Variants in CTNNA3 observed in about 807,000 individuals in gnomAD.
CTNNA3 encodes catenin alpha 3.
A neutral mutation model predicts 95.7 loss-of-function variants in CTNNA3; 76 were observed. That is an observed-to-expected ratio of 0.79 (90% CI 0.66 to 0.96). CTNNA3 has a LOEUF of 0.96. Ranked by LOEUF, CTNNA3 falls within the 40% of genes least tolerant of loss-of-function variation. The probability of loss-of-function intolerance (pLI) is 0.00; values close to 1 mark genes in which losing one functional copy is unlikely to be tolerated. For synonymous variants in CTNNA3, 431 were observed against 374.4 expected, an observed-to-expected ratio of 1.15 and a Z score of -1.74; for missense variants, 1,191 against 1,089.8, an observed-to-expected ratio of 1.09 and a Z score of -1.31.
intron 9 of CTNNA3, among the ~76,000 whole-genome samples, chr10:66,637,009 A>G (rs190534423): frequency 6.4e-4 from 98 of 152,300 alleles, no homozygotes; most frequent in African/African-American, 2.3e-3. Flanking sequence ...AAAAGTCTTA[A>G]AGAAAGACAA....
intron 1 of CTNNA3, 73 bp from the exon 2 acceptor site, chr10:67,647,591 T>G: frequency 8.1e-7 from 1 of 1,232,988 alleles, no homozygotes; most frequent in East Asian, 2.4e-5. Context: ...TATGAAATCA[T>G]GGAATAGGTA....
chr10:67,261,165 C>CTATT (rs1018020187), intron 5 of CTNNA3, among the ~76,000 whole-genome samples: 1 of 152,068 alleles, frequency 6.6e-6, no homozygotes, highest in Non-Finnish European at 1.5e-5. Flanking sequence ...CCTGACAACT[C>CTATT]TATTTATTTA....
At chr10:66,331,419 T>C (rs2092329425) in intron 12 of CTNNA3, among the ~76,000 whole-genome samples, 1 of 137,640 alleles carries the variant, frequency 7.3e-6, no homozygotes, top group Non-Finnish European at 1.5e-5. Context: ...AGTGGCGCGA[T>C]CTCGACTCAC....
At chr10:66,186,946 T>C (rs972215243) in intron 13 of CTNNA3, among the ~76,000 whole-genome samples, 7 of 152,070 alleles carry the variant, frequency 4.6e-5, no homozygotes, top group Non-Finnish European at 1.0e-4. Context: ...AAACATGAAG[T>C]TTTGTGATGT....
At chr10:67,658,343 C>T (rs897258026) in intron 1 of CTNNA3, among the ~76,000 whole-genome samples, 2 of 152,144 alleles carry the variant, frequency 1.3e-5, no homozygotes, top group African/African-American at 4.8e-5. Context: ...GGCAGGGGCT[C>T]AACAAACATT....
intron 5 of CTNNA3, among the ~76,000 whole-genome samples, chr10:67,510,053 A>G (rs1283285989): frequency 2.0e-5 from 3 of 152,074 alleles, no homozygotes; most frequent in South Asian, 4.1e-4. Context: ...TTTCTTGTAA[A>G]TTTGTTTAAC....
intron 5 of CTNNA3, among the ~76,000 whole-genome samples, chr10:67,448,512 C>A (rs1224585178): frequency 6.6e-6 from 1 of 151,770 alleles, no homozygotes; most frequent in Non-Finnish European, 1.5e-5. Flanking sequence ...ATAGAAAGAA[C>A]TTATTCATGA....
intron 11 of CTNNA3, among the ~76,000 whole-genome samples, chr10:66,484,910 G>A (rs1040995772): frequency 6.6e-6 from 1 of 152,080 alleles, no homozygotes; most frequent in Non-Finnish European, 1.5e-5. Flanking sequence ...TCCCTGGGAT[G>A]CAGATGCAAG....
At chr10:66,191,804 A>G (rs2086682980) in intron 13 of CTNNA3, among the ~76,000 whole-genome samples, 1 of 152,148 alleles carries the variant, frequency 6.6e-6, no homozygotes, top group Admixed American at 6.5e-5. Flanking sequence ...TGTTTCTCCC[A>G]AAGTTCATGT....
intron 17 of CTNNA3, among the ~76,000 whole-genome samples, chr10:65,942,847 C>G (rs989100011): frequency 6.6e-6 from 1 of 152,104 alleles, no homozygotes; most frequent in African/African-American, 2.4e-5. Flanking sequence ...ACAACATACT[C>G]ATGGTAGTAC....
intron 5 of CTNNA3, among the ~76,000 whole-genome samples, chr10:67,480,605 C>T (rs1173388856): frequency 6.6e-6 from 1 of 152,218 alleles, no homozygotes; most frequent in African/African-American, 2.4e-5. Flanking sequence ...AGAACATGTT[C>T]CTGCTGCAGA....
intron 4 of CTNNA3, among the ~76,000 whole-genome samples, chr10:67,522,300 A>G (rs749941205): frequency 2.3e-4 from 35 of 152,232 alleles, no homozygotes; most frequent in Non-Finnish European, 4.1e-4. Flanking sequence ...CTGTGAATGT[A>G]TAATTTTAAA....
intron 3 of CTNNA3, among the ~76,000 whole-genome samples, chr10:67,578,012 T>C (rs1363255969): frequency 6.9e-6 from 1 of 144,478 alleles, no homozygotes; most frequent in Admixed American, 6.8e-5. Flanking sequence ...CGCCAACATC[T>C]GTTATTTTTT....
At chr10:67,134,940 A>G (rs1860221084) in intron 7 of CTNNA3, among the ~76,000 whole-genome samples, 1 of 152,120 alleles carries the variant, frequency 6.6e-6, no homozygotes, top group Admixed American at 6.6e-5. Context: ...GCTGAGACCC[A>G]TGATTCCTAG....
At chr10:66,427,904 A>G (rs2093256862) in intron 11 of CTNNA3, among the ~76,000 whole-genome samples, 1 of 152,154 alleles carries the variant, frequency 6.6e-6, no homozygotes, top group Non-Finnish European at 1.5e-5. Flanking sequence ...ACATAACAAT[A>G]TTAACCTTAA....
intron 9 of CTNNA3, among the ~76,000 whole-genome samples, chr10:66,748,900 C>T (rs1322839003): frequency 2.0e-5 from 3 of 151,714 alleles, no homozygotes; most frequent in Non-Finnish European, 4.4e-5. Context: ...AGGTTGGGCA[C>T]GGTGGCTCAC....
At chr10:66,054,398 T>G (rs1248866737) in intron 15 of CTNNA3, among the ~76,000 whole-genome samples, 1 of 152,176 alleles carries the variant, frequency 6.6e-6, no homozygotes, top group Non-Finnish European at 1.5e-5. Flanking sequence ...TGTTACTGCT[T>G]GTCTTTTGGA....
At chr10:67,754,011 A>C (rs953697965) in intron 1 of CTNNA3, among the ~76,000 whole-genome samples, 4 of 134,186 alleles carry the variant, frequency 3.0e-5, no homozygotes. Context: ...AGATACATGC[A>C]CACATATGTT....
intron 7 of CTNNA3, among the ~76,000 whole-genome samples, chr10:66,855,392 A>G (rs532796151): frequency 1.9e-4 from 29 of 152,164 alleles, no homozygotes; most frequent in African/African-American, 6.7e-4. Context: ...TGCTCTAGAT[A>G]CAAGTTGTTA....
Sources: allele counts gnomAD v4.1 joint callset (sites outside exome capture counted in the v4.1 genomes callset), GRCh38; gene constraint gnomAD v4.1.1; transcripts MANE v1.5; gene names NCBI Gene and HGNC (gene_info 2026-07-23, HGNC 2026-07-21).